Variants in NDST1 observed in about 807,000 individuals in gnomAD.
NDST1 encodes the protein bifunctional heparan sulfate N-deacetylase/N-sulfotransferase 1.
Under a neutral mutation model 92.8 loss-of-function variants are expected in NDST1, and 35 were observed. The observed-to-expected ratio is 0.38, with a 90% CI of 0.29 to 0.50. NDST1 has a LOEUF of 0.50. Among genes scored for constraint, NDST1 ranks in the 20% least tolerant of loss-of-function variants. The pLI is 0.94. For missense variants in NDST1, 822 were observed against 1,182.7 expected (o/e 0.69, Z 4.47); for synonymous variants, 493 against 500.3 (o/e 0.99, Z 0.19).
intron 1 of NDST1, among the ~76,000 whole-genome samples, chr5:150,499,165 C>T (rs61490476): frequency 6.6e-6 from 1 of 152,366 alleles, no homozygotes; most frequent in East Asian, 1.9e-4. Context: ...TGGCAGGCCA[C>T]ATTTGCCCTA....
upstream of NDST1, among the ~76,000 whole-genome samples, chr5:150,506,425 C>A (rs1753460074): frequency 6.6e-6 from 1 of 152,106 alleles, no homozygotes; most frequent in African/African-American, 2.4e-5. Flanking sequence ...GCAGTGAGCA[C>A]CTTCTAAAAG....
At chr5:150,533,244 G>A (rs1754827423) in intron 4 of NDST1, among the ~76,000 whole-genome samples, 1 of 152,246 alleles carries the variant, frequency 6.6e-6, no homozygotes, top group Admixed American at 6.5e-5. Flanking sequence ...GGCAGCAACA[G>A]CAGCCGCTTG....
Position 150,555,395 on chromosome 5 carries a change from G to C in NDST1, c.*2063G>C, listed in dbSNP as rs1282645920. 5 of 152,932 alleles carry C rather than the reference G, an allele frequency of 3.3e-5. No individual in the cohort carries two copies. The highest frequency in any genetic ancestry group is 1.3e-4 in the Admixed American group (2 of 15,294). The allele number at this position is 152,932 out of a possible 1,614,324, so 9.5% of individuals were successfully genotyped here. A position where few individuals can be genotyped will look rare whatever the true frequency, so the allele number is the denominator to read the frequency against. ...TCCCTTTTCTCCAGTTCTCTGCTGG[G>C]ATGAAGAAAGTTGGACACTCAGTGG... On this transcript the variant is annotated 3_prime_UTR_variant, in exon 15 of 15. Transcript: ENST00000261797.
At chr5:150,502,979 G>A (rs998114155) in intron 1 of NDST1, among the ~76,000 whole-genome samples, 1 of 152,086 alleles carries the variant, frequency 6.6e-6, no homozygotes, top group African/African-American at 2.4e-5. Flanking sequence ...TTAAGAATCT[G>A]GGCTTGGGGT....
rs775472852 is a variant in NDST1, at chr5:150,553,820, C to T, written c.*488C>T. The T allele has an allele frequency of 2.8e-4, 132 of 465,676 alleles. No individual in the cohort carries two copies. The Middle Eastern group carries it at 3.4e-3, about 12-fold the overall frequency. The allele number at this position is 465,676 out of a possible 1,614,324, so 28.8% of individuals were successfully genotyped here. ...CTCTTCCAAGGGGCCAGCTGGGTCC[C>T]CGGAGTCAGTCCTAGGCTGGATGGG... On this transcript the variant is annotated 3_prime_UTR_variant, in exon 15 of 15. Coordinates refer to ENST00000261797, the MANE Select transcript of NDST1 (RefSeq NM_001543.5). The surrounding 1 kb of genome is among the most constrained non-coding windows in gnomAD (Gnocchi z 4.2).
intron 2 of NDST1, among the ~76,000 whole-genome samples, chr5:150,526,778 CA>C (rs1262626985): frequency 6.6e-6 from 1 of 152,168 alleles, no homozygotes; most frequent in Non-Finnish European, 1.5e-5. Flanking sequence ...GGCACAGGAA[CA>C]AGGACAAATT....
At chr5:150,527,304 C>G (rs1275410463) in intron 2 of NDST1, among the ~76,000 whole-genome samples, 1 of 152,248 alleles carries the variant, frequency 6.6e-6, no homozygotes, top group Non-Finnish European at 1.5e-5. Flanking sequence ...GGTCATGCCA[C>G]AGGCCCTATT....
Position 150,500,217 on chromosome 5 carries a change from C to T in NDST1, c.-388+1978C>T, listed in dbSNP as rs1319742148. ...TTGCAAAAATGCATGCAGATTGCTGCCCCCACCCGCTGCCTCCTGCTCTGA... is the reference window on the plus strand; with the variant it reads ...TTGCAAAAATGCATGCAGATTGCTGTCCCCACCCGCTGCCTCCTGCTCTGA... On this transcript the variant is annotated intron_variant, in intron 1 of 1. Transcript: ENST00000518299. 2.6e-5 allele frequency among the ~76,000 whole-genome samples: 4 copies of T among 152,308 alleles called. 1 individual carries two copies. Among genetic ancestry groups the T allele is most frequent in the Admixed American group, 1.3e-4 (2 of 15,298 alleles).
In NDST1 at chr5:150,521,368, A is replaced by G. The variant is rs760049773; in HGVS notation, c.114A>G (p.Leu38=). The stretch of plus-strand genomic sequence containing the variant: ...GCGTTTTCATCTCGGCCTACTACCT[A>G]TATGGCTGGAAGCGAGGCCTGGAGC... The part of the protein sequence containing the change: ...LFSVFISAYY[L]YGWKRGLEPS... The change falls in exon 2 of 15, where the codon CTA becomes CTG. Residue 38 remains leucine (L), a synonymous_variant. Coordinates refer to ENST00000261797, the MANE Select transcript of NDST1 (RefSeq NM_001543.5). This position sits in a 1 kb window ranked among gnomAD's most constrained non-coding sequence, Gnocchi z 5.9. 7 of 1,613,602 alleles carry G rather than the reference A, an allele frequency of 4.3e-6. No individual in the cohort carries two copies. The highest frequency in any genetic ancestry group is 1.1e-5 in the South Asian group (1 of 91,084).
chr5:150,535,112 G>T, intron 5 of NDST1, 91 bp downstream of exon 5: 2 of 1,525,438 alleles, frequency 1.3e-6, no homozygotes, highest in Non-Finnish European at 1.8e-6. Context: ...TTTGCAGTCT[G>T]CTCTGACGGA....
chr5:150,548,691 T>C (rs981688837), intron 12 of NDST1, among the ~76,000 whole-genome samples: 13 of 151,928 alleles, frequency 8.6e-5, no homozygotes, highest in African/African-American at 3.1e-4. Flanking sequence ...TGTGAGCCAC[T>C]GTACCCAGCT....
At chr5:150,506,266 C>T (rs75026432), upstream of NDST1, among the ~76,000 whole-genome samples, 116 of 152,276 alleles carry the variant, frequency 7.6e-4, 2 homozygotes, top group East Asian at 0.021. Flanking sequence ...CACGCCACTA[C>T]GCTGTCTAAT....
Position 150,553,056 on chromosome 5 carries a change from G to A in NDST1, c.2530-157G>A, listed in dbSNP as rs555695805. ...GGGTTTTCCCATGTTGGCCAGGCTGGTCTTGAACTCCTGACCTCAGGTGAT... is the reference window on the plus strand; with the variant it reads ...GGGTTTTCCCATGTTGGCCAGGCTGATCTTGAACTCCTGACCTCAGGTGAT... On this transcript the variant is annotated intron_variant, in intron 14 of 14. Transcript: ENST00000261797. This position sits in a 1 kb window ranked among gnomAD's most constrained non-coding sequence, Gnocchi z 4.2. 6.6e-5 allele frequency among the ~76,000 whole-genome samples: 10 copies of A among 152,018 alleles called. No homozygotes were observed. The highest frequency in any genetic ancestry group is 6.6e-4 in the Admixed American group (10 of 15,266).
chr5:150,553,216 C>G lies in NDST1; in HGVS notation c.2533C>G (p.Arg845Gly). 1 of 1,612,966 alleles carries G rather than the reference C, an allele frequency of 6.2e-7. No homozygotes were observed. Among genetic ancestry groups the G allele is most frequent in the Non-Finnish European group, 8.5e-7 (1 of 1,179,260 alleles). Residue 845 changes from arginine (R) to glycine (G), a missense_variant, in exon 15 of 15, where the codon CGA becomes GGA. Physicochemically the swap from Arg to Gly is moderately radical, Grantham distance 125 (BLOSUM62 -2). Coordinates refer to ENST00000261797, the MANE Select transcript of NDST1 (RefSeq NM_001543.5). This position sits in a 1 kb window ranked among gnomAD's most constrained non-coding sequence, Gnocchi z 4.2. ...TGAGCTTTCCTTCCCGTTACAGTCCCGAGCCTTCCTGAAGGACTATTACCG... is the reference window on the plus strand; with the variant it reads ...TGAGCTTTCCTTCCCGTTACAGTCCGGAGCCTTCCTGAAGGACTATTACCG... ...RKYPEMDLDS[R>G]AFLKDYYRDH...
chr5:150,506,708 C>G (rs548484755), upstream of NDST1, among the ~76,000 whole-genome samples: 8 of 152,246 alleles, frequency 5.3e-5, no homozygotes, highest in African/African-American at 1.9e-4. Context: ...GCCCCCTCCC[C>G]CTGCCAGCTG....
chr5:150,554,072 A>C lies in NDST1; in HGVS notation c.*740A>C, dbSNP rs979986214. On this transcript the variant is annotated 3_prime_UTR_variant, in exon 15 of 15. Transcript: ENST00000261797. ...ATGATGTGTGGTGTTTCCTGTGGTAAAAGACTGAGGCAGGCCAGGGGTCTG... is the reference window on the plus strand; with the variant it reads ...ATGATGTGTGGTGTTTCCTGTGGTACAAGACTGAGGCAGGCCAGGGGTCTG... The C allele has an allele frequency of 5.0e-6, 2 of 403,030 alleles. No homozygotes were observed. Among genetic ancestry groups the C allele is most frequent in the African/African-American group, 4.1e-5 (2 of 48,570 alleles). 25.0% of individuals were successfully genotyped at this position (403,030 alleles called of 1,614,324 possible).
chr5:150,497,786 C>T (rs1753059562), upstream of NDST1: 1 of 152,324 alleles, frequency 6.6e-6, no homozygotes, highest in African/African-American at 2.4e-5. Context: ...GTGATTCATT[C>T]TGTTCTCCCG....
intron 2 of NDST1, among the ~76,000 whole-genome samples, chr5:150,524,845 C>A (rs1754398183): frequency 6.6e-6 from 1 of 152,202 alleles, no homozygotes; most frequent in African/African-American, 2.4e-5. Flanking sequence ...CACATTGGTG[C>A]TCAAAAAGTT....
intron 1 of NDST1, chr5:150,519,008 C>T (rs1754117955): frequency 6.6e-6 from 1 of 151,268 alleles, no homozygotes; most frequent in Non-Finnish European, 1.5e-5. Context: ...AACTCCTGAC[C>T]TCAAGTGATC....
Sources: gnomAD v4.1 joint callset for allele counts (sites outside exome capture counted in the v4.1 genomes callset) on GRCh38, gnomAD v4.1.1 for gene constraint, Gnocchi (gnomAD v3.1) non-coding constraint, MANE v1.5 for transcripts, NCBI Gene and HGNC (gene_info 2026-07-23, HGNC 2026-07-21) for gene names.